Variants in TASP1 observed in about 807,000 individuals in gnomAD.
The protein encoded by TASP1 is threonine aspartase 1.
A neutral mutation model predicts 56.6 loss-of-function variants in TASP1; 16 were observed. The observed-to-expected ratio is 0.28, with a 90% confidence interval of 0.19 to 0.43. The LOEUF is 0.43. Ranked by LOEUF, TASP1 falls within the 20% of genes least tolerant of loss-of-function variation. The pLI is 1.00. For missense variants in TASP1, 393 were observed against 511.6 expected (o/e 0.77, Z 2.24); for synonymous variants, 179 against 184.2 (o/e 0.97, Z 0.23).
At chr20:13,587,737 A>C (rs953406453) in intron 4 of TASP1, among the ~76,000 whole-genome samples, 1 of 151,932 alleles carries the variant, frequency 6.6e-6, no homozygotes, top group East Asian at 1.9e-4. Flanking sequence ...CAAAAAAAAA[A>C]CACAGAAAAA....
chr20:13,599,323 T>A (rs936602512), intron 4 of TASP1, among the ~76,000 whole-genome samples: 3 of 152,168 alleles, frequency 2.0e-5, no homozygotes, highest in African/African-American at 7.2e-5. Flanking sequence ...GTGGCACATA[T>A]ACACCATGGA....
the TASP1 span, among the ~76,000 whole-genome samples, chr20:13,230,720 A>G: frequency 6.6e-6 from 1 of 152,058 alleles, no homozygotes; most frequent in Non-Finnish European, 1.5e-5. Flanking sequence ...AGTGAGTTCA[A>G]ACAAACAGCA....
intron 4 of TASP1, among the ~76,000 whole-genome samples, chr20:13,612,119 T>G (rs752967656): frequency 2.6e-5 from 4 of 152,180 alleles, no homozygotes; most frequent in Non-Finnish European, 5.9e-5. Context: ...CTTAAATATT[T>G]AAAATATTGA....
rs780151817 is a variant in TASP1, at chr20:13,558,820, ACTTT to A, written c.675+184_675+187del. Among the ~76,000 whole-genome samples, 98 of 152,088 alleles carry A rather than the reference ACTTT, an allele frequency of 6.4e-4. No individual in the cohort carries two copies. The East Asian group carries it at 0.014, about 22-fold the overall frequency. On this transcript the variant is annotated intron_variant, in intron 8 of 13. Transcript: ENST00000337743. ...AAATTAATTTCCCTTGTTTCTTTCT[ACTTT>A]CTTTTTCTCTTTTATGAGCCTAATA... is the stretch of plus-strand genomic sequence containing the variant.
chr20:13,573,940 A>G (rs2046806270), intron 6 of TASP1, among the ~76,000 whole-genome samples: 1 of 152,160 alleles, frequency 6.6e-6, no homozygotes, highest in Admixed American at 6.5e-5. Flanking sequence ...GAAGTGACAT[A>G]GTCGGGCATC....
intron 11 of TASP1, among the ~76,000 whole-genome samples, chr20:13,467,396 A>G (rs1263622393): frequency 6.6e-6 from 1 of 150,952 alleles, no homozygotes; most frequent in Non-Finnish European, 1.5e-5. Flanking sequence ...AATTTCTTCA[A>G]CCATCTTTAA....
chr20:13,597,093 T>C (rs1218545487), intron 4 of TASP1, among the ~76,000 whole-genome samples: 1 of 152,234 alleles, frequency 6.6e-6, no homozygotes, highest in East Asian at 1.9e-4. Flanking sequence ...AGCCGAGTTC[T>C]ACCAGAGGTA....
At chr20:13,210,921 G>A in the TASP1 span, among the ~76,000 whole-genome samples, 1 of 151,968 alleles carries the variant, frequency 6.6e-6, no homozygotes, top group African/African-American at 2.4e-5. Context: ...TCTTACCACA[G>A]AGCCAATGAG....
At chr20:13,607,545 T>C (rs1255946724) in intron 4 of TASP1, among the ~76,000 whole-genome samples, 1 of 152,200 alleles carries the variant, frequency 6.6e-6, no homozygotes, top group Non-Finnish European at 1.5e-5. Flanking sequence ...TGGCACATTA[T>C]AAAATCATTT....
intron 10 of TASP1, among the ~76,000 whole-genome samples, chr20:13,507,010 T>C (rs2044158260): frequency 1.3e-5 from 2 of 152,120 alleles, no homozygotes; most frequent in African/African-American, 4.8e-5. Flanking sequence ...CAAAATGTTA[T>C]ATATAGAAAA....
chr20:13,152,566 G>C, the TASP1 span, among the ~76,000 whole-genome samples: 1 of 152,156 alleles, frequency 6.6e-6, no homozygotes. Flanking sequence ...CTCCAGGTTA[G>C]GACAAAGATG....
the TASP1 span, among the ~76,000 whole-genome samples, chr20:13,179,668 A>G: frequency 6.6e-6 from 1 of 152,180 alleles, no homozygotes; most frequent in Non-Finnish European, 1.5e-5. Flanking sequence ...AGTCCTCCTG[A>G]CCCATGCAGA....
chr20:13,378,102 C>A, the TASP1 span, among the ~76,000 whole-genome samples: 1 of 152,020 alleles, frequency 6.6e-6, no homozygotes, highest in Non-Finnish European at 1.5e-5. Flanking sequence ...TTAGTTATTT[C>A]TTTTCTTCTG....
chr20:13,214,738 C>T, the TASP1 span, among the ~76,000 whole-genome samples: 1 of 152,116 alleles, frequency 6.6e-6, no homozygotes, highest in Non-Finnish European at 1.5e-5. Flanking sequence ...ACAAAGCCAG[C>T]TTGTAAAAAG....
At chr20:13,465,963 C>T (rs1258944884) in intron 11 of TASP1, among the ~76,000 whole-genome samples, 1 of 152,012 alleles carries the variant, frequency 6.6e-6, no homozygotes, top group African/African-American at 2.4e-5. Flanking sequence ...GATAAAACTG[C>T]ATAGAACTAA....
the TASP1 span, among the ~76,000 whole-genome samples, chr20:13,233,578 A>G: frequency 1.3e-5 from 2 of 150,534 alleles, no homozygotes; most frequent in South Asian, 2.1e-4. Context: ...CTGGGCAACA[A>G]GAGCGAAACT....
chr20:13,185,803 C>A, the TASP1 span, among the ~76,000 whole-genome samples: 1 of 152,118 alleles, frequency 6.6e-6, no homozygotes, highest in African/African-American at 2.4e-5. Context: ...AAAATAAAGT[C>A]TCAAAGAGGA....
At chr20:13,173,820 T>C in the TASP1 span, among the ~76,000 whole-genome samples, 1 of 152,180 alleles carries the variant, frequency 6.6e-6, no homozygotes, top group Non-Finnish European at 1.5e-5. Flanking sequence ...AAATTTCACT[T>C]TCACAGGGTA....
the TASP1 span, among the ~76,000 whole-genome samples, chr20:13,342,458 G>A: frequency 5.3e-5 from 8 of 152,170 alleles, no homozygotes; most frequent in Admixed American, 2.0e-4. Flanking sequence ...TGGGGACAGC[G>A]GCAGCAGAGA....
Sources: gnomAD v4.1 joint callset for allele counts (sites outside exome capture counted in the v4.1 genomes callset) on GRCh38, gnomAD v4.1.1 for gene constraint, MANE v1.5 for transcripts, NCBI Gene and HGNC (gene_info 2026-07-23, HGNC 2026-07-21) for gene names.